The following EBF1 variants were observed in gnomAD, a reference collection of about 807,000 sequenced individuals.
EBF1 encodes EBF transcription factor 1.
EBF1 carries 10 observed loss-of-function variants against 68.4 expected under a neutral mutation model. The ratio of observed to expected loss-of-function variants is 0.15; its 90% CI spans 0.09 to 0.25. The LOEUF is 0.25. EBF1 is among the 10% of genes least tolerant of loss of function. The pLI is 1.00. For missense variants in EBF1, 509 were observed against 794.4 expected, an observed-to-expected ratio of 0.64 and a Z score of 4.32; for synonymous variants, 298 against 299.8, an observed-to-expected ratio of 0.99 and a Z score of 0.06.
At chr5:158,763,602 G>A (rs1380226643) in intron 10 of EBF1, among the ~76,000 whole-genome samples, 2 of 152,086 alleles carry the variant, frequency 1.3e-5, no homozygotes, top group Non-Finnish European at 2.9e-5. Flanking sequence ...CATATTGGAA[G>A]GTCCAAGGAA....
intron 4 of EBF1, among the ~76,000 whole-genome samples, chr5:159,094,878 G>A (rs913230720): frequency 1.1e-4 from 17 of 152,084 alleles, no homozygotes; most frequent in Admixed American, 7.2e-4. Context: ...TCATTAAAAC[G>A]TCAGGCCTCT....
chr5:158,717,331 C>T (rs1229103661), intron 11 of EBF1, among the ~76,000 whole-genome samples: 1 of 152,058 alleles, frequency 6.6e-6, no homozygotes, highest in Non-Finnish European at 1.5e-5. Context: ...AAGAAATTTC[C>T]CATAAGGGGA....
chr5:158,763,387 C>T (rs964532589), intron 10 of EBF1, among the ~76,000 whole-genome samples: 1 of 152,132 alleles, frequency 6.6e-6, no homozygotes, highest in African/African-American at 2.4e-5. Flanking sequence ...TTACAGTGGG[C>T]TCCCACAAAA....
chr5:158,939,254 T>C (rs1390041601), intron 6 of EBF1, among the ~76,000 whole-genome samples: 1 of 152,172 alleles, frequency 6.6e-6, no homozygotes, highest in Non-Finnish European at 1.5e-5. Context: ...CAAGGACTTA[T>C]AGCCTAGACA....
chr5:158,890,324 T>C (rs1800924679), intron 6 of EBF1, among the ~76,000 whole-genome samples: 1 of 152,258 alleles, frequency 6.6e-6, no homozygotes, highest in African/African-American at 2.4e-5. Flanking sequence ...ACAAAGAATG[T>C]CAAAGATGAT....
chr5:158,851,725 A>G, intron 6 of EBF1, among the ~76,000 whole-genome samples: 2 of 109,508 alleles, frequency 1.8e-5, no homozygotes, highest in African/African-American at 7.4e-5. Context: ...GGAAGGAAAG[A>G]AAGGAAGGGA....
intron 11 of EBF1, among the ~76,000 whole-genome samples, chr5:158,719,359 C>T (rs1052305726): frequency 6.6e-6 from 1 of 152,164 alleles, no homozygotes; most frequent in African/African-American, 2.4e-5. Flanking sequence ...CTTTTATTAG[C>T]TGTACTCTTA....
intron 4 of EBF1, among the ~76,000 whole-genome samples, chr5:159,085,618 G>T (rs9637860): frequency 0.38 from 57,465 of 151,994 alleles, 11,122 homozygotes; most frequent in East Asian, 0.52. Context: ...GCTACATTTA[G>T]CTAATTTAAC....
At chr5:159,057,713 T>A (rs1369430413) in intron 6 of EBF1, among the ~76,000 whole-genome samples, 5 of 152,198 alleles carry the variant, frequency 3.3e-5, no homozygotes. Context: ...TTCTCATCTT[T>A]AAAATGAAGG....
At chr5:159,088,411 G>T (rs1348703750) in intron 4 of EBF1, among the ~76,000 whole-genome samples, 1 of 152,088 alleles carries the variant, frequency 6.6e-6, no homozygotes, top group East Asian at 1.9e-4. Flanking sequence ...CTGGTCCACA[G>T]TTCAGCAAAC....
rs965168893 is a variant in EBF1, at chr5:158,696,004, A to C, written c.*3107T>G. 42 of 193,086 alleles carry C rather than the reference A, an allele frequency of 2.2e-4. No homozygotes were observed. Among genetic ancestry groups the C allele is most frequent in the African/African-American group, 9.7e-4 (40 of 41,330 alleles). 12.0% of individuals were successfully genotyped at this position (193,086 alleles called of 1,614,324 possible). A position where few individuals can be genotyped will look rare whatever the true frequency, so the allele number is the denominator to read the frequency against. On this transcript the variant is annotated 3_prime_UTR_variant, in exon 16 of 16. Transcript: ENST00000313708. ...GAATTTTTGCAAAAAAAAAAAAAAA[A>C]TTTAACAATCTCTACAGTAGTTAGG... is the stretch of plus-strand genomic sequence containing the variant.
intron 10 of EBF1, among the ~76,000 whole-genome samples, chr5:158,737,266 ATTTTTTTTTTTTTTTTTTTTT>A (rs61380054): frequency 7.2e-5 from 4 of 55,600 alleles, no homozygotes; most frequent in Non-Finnish European, 1.2e-4. Flanking sequence ...ACATGCCCTG[ATTTTTTTTTTTTTTTTTTTTT>A]TTTTTTTTTT....
At chr5:159,055,959 G>T (rs1008731951) in intron 6 of EBF1, among the ~76,000 whole-genome samples, 9 of 152,152 alleles carry the variant, frequency 5.9e-5, no homozygotes, top group African/African-American at 2.2e-4. Context: ...CCTGTCTGAG[G>T]TCAATGAACT....
intron 6 of EBF1, among the ~76,000 whole-genome samples, chr5:158,936,774 C>G (rs765110267): frequency 6.6e-6 from 1 of 152,174 alleles, no homozygotes; most frequent in Non-Finnish European, 1.5e-5. Flanking sequence ...TCTTGTTGAT[C>G]TTCCACTTCC....
chr5:158,956,884 G>C (rs1817241962), intron 6 of EBF1, among the ~76,000 whole-genome samples: 1 of 151,726 alleles, frequency 6.6e-6, no homozygotes, highest in Non-Finnish European at 1.5e-5. Flanking sequence ...TCAGCCTCCG[G>C]AGTAGCTGGG....
intron 10 of EBF1, among the ~76,000 whole-genome samples, chr5:158,771,488 A>G (rs902029407): frequency 2.0e-5 from 3 of 152,134 alleles, no homozygotes; most frequent in Admixed American, 6.6e-5. Context: ...ACAAAAATCA[A>G]TGAAGACCCA....
chr5:158,750,673 C>G (rs566929222), intron 10 of EBF1, among the ~76,000 whole-genome samples: 1 of 151,766 alleles, frequency 6.6e-6, no homozygotes, highest in Admixed American at 6.6e-5. Context: ...TATTTCTACT[C>G]TATATTTTAT....
chr5:158,829,018 G>T (rs1374002432), intron 7 of EBF1, among the ~76,000 whole-genome samples: 1 of 152,194 alleles, frequency 6.6e-6, no homozygotes, highest in Non-Finnish European at 1.5e-5. Flanking sequence ...ATCAGTGGTT[G>T]CCAGGAGTCT....
intron 7 of EBF1, among the ~76,000 whole-genome samples, chr5:158,834,959 A>T (rs1279626051): frequency 6.6e-6 from 1 of 152,220 alleles, no homozygotes; most frequent in East Asian, 1.9e-4. Flanking sequence ...TAAAACTGGT[A>T]AAAGCCACAT....
Sources: gnomAD v4.1 joint callset for allele counts (sites outside exome capture counted in the v4.1 genomes callset) on GRCh38, gnomAD v4.1.1 for gene constraint, MANE v1.5 for transcripts, NCBI Gene and HGNC (gene_info 2026-07-23, HGNC 2026-07-21) for gene names.